The following NEBL variants were observed in gnomAD, a reference collection of about 807,000 sequenced individuals.
NEBL encodes nebulette, also known as LIM and SH3 protein 2.
A neutral mutation model predicts 140.2 loss-of-function variants in NEBL; 122 were observed. That is an observed-to-expected ratio of 0.87 (90% confidence interval 0.75 to 1.01). The LOEUF (loss-of-function observed/expected upper bound fraction) is 1.01. Ranked by LOEUF, NEBL falls within the 50% of genes least tolerant of loss-of-function variation. The probability of loss-of-function intolerance (pLI) is 0.00; values close to 1 mark genes in which losing one functional copy is unlikely to be tolerated. For missense variants in NEBL, 1,365 were observed against 1,231.3 expected (o/e 1.11, Z -1.62); for synonymous variants, 436 against 398.9 (o/e 1.09, Z -1.11).
intron 1 of NEBL, among the ~76,000 whole-genome samples, chr10:21,288,889 C>G (rs1386689296): frequency 8.6e-6 from 1 of 116,322 alleles, no homozygotes; most frequent in Non-Finnish European, 1.7e-5. Flanking sequence ...TGCTCTGTTG[C>G]CCAGGCTGGA....
rs753130097 is a variant in NEBL, at chr10:21,146,492, C to A, written c.164+25891G>T. On this transcript the variant is annotated intron_variant, in intron 2 of 6. Coordinates refer to the NEBL transcript ENST00000417816. ...CATGCTTTCCATAGAGTAGATTCTT[C>A]TTTCACTTTTAGCCATCCTACTCCT... 3.7e-6 allele frequency: 6 copies of A among 1,612,916 alleles called. No individual in the cohort carries two copies. In the South Asian group the frequency reaches 5.5e-5, roughly 15 times the overall value.
chr10:20,933,611 G>A (rs1057130628), intron 4 of NEBL, among the ~76,000 whole-genome samples: 7 of 152,178 alleles, frequency 4.6e-5, no homozygotes, highest in African/African-American at 1.7e-4. Flanking sequence ...GCACGTGCCT[G>A]TAATCCCAGC....
chr10:21,291,068 T>A (rs1447741953), intron 1 of NEBL, among the ~76,000 whole-genome samples: 1 of 152,206 alleles, frequency 6.6e-6, no homozygotes, highest in Non-Finnish European at 1.5e-5. Context: ...TCAGTAAAGT[T>A]ATTTCTGTCT....
chr10:21,227,179 A>G (rs1842163138), intron 3 of NEBL, among the ~76,000 whole-genome samples: 1 of 152,056 alleles, frequency 6.6e-6, no homozygotes, highest in African/African-American at 2.4e-5. Flanking sequence ...AAACCCACTT[A>G]TGGGACAGTT....
chr10:21,222,879 C>A (rs10828219), intron 3 of NEBL, among the ~76,000 whole-genome samples: 41,273 of 151,882 alleles, frequency 0.27, 9,988 homozygotes, highest in African/African-American at 0.66. Flanking sequence ...TCTCTGGCCT[C>A]AACCTCCCAA....
At chr10:21,182,413 C>T (rs1416380825) in intron 3 of NEBL, among the ~76,000 whole-genome samples, 1 of 152,130 alleles carries the variant, frequency 6.6e-6, no homozygotes, top group Non-Finnish European at 1.5e-5. Flanking sequence ...GAGTTCTAGG[C>T]TGCAATGAGG....
intron 1 of NEBL, among the ~76,000 whole-genome samples, chr10:21,272,305 C>T (rs980700986): frequency 6.6e-6 from 1 of 151,942 alleles, no homozygotes; most frequent in Non-Finnish European, 1.5e-5. Context: ...AACAAATACA[C>T]CTGCTGTAGT....
chr10:21,231,941 C>T (rs926390661), intron 3 of NEBL, among the ~76,000 whole-genome samples: 1 of 152,172 alleles, frequency 6.6e-6, no homozygotes, highest in African/African-American at 2.4e-5. Flanking sequence ...ATGCCCCCTC[C>T]CTTTTGCGGT....
chr10:20,939,488 T>C (rs1451869558), intron 4 of NEBL, among the ~76,000 whole-genome samples: 6 of 152,072 alleles, frequency 3.9e-5, no homozygotes, highest in East Asian at 1.9e-4. Flanking sequence ...ACATGCCAAA[T>C]TGTAAAGACC....
At chr10:20,957,720 G>C (rs888011756) in intron 4 of NEBL, among the ~76,000 whole-genome samples, 11 of 151,948 alleles carry the variant, frequency 7.2e-5, no homozygotes, top group Middle Eastern at 3.2e-3. Context: ...ATCAAATAAT[G>C]GTACACTCAC....
chr10:21,086,258 C>T (rs1440229618), intron 2 of NEBL, among the ~76,000 whole-genome samples: 3 of 152,198 alleles, frequency 2.0e-5, no homozygotes, highest in African/African-American at 7.2e-5. Flanking sequence ...AAAATATTAG[C>T]TTATCCAAAA....
intron 3 of NEBL, among the ~76,000 whole-genome samples, chr10:21,006,096 T>C (rs1435588781): frequency 6.6e-6 from 1 of 152,186 alleles, no homozygotes; most frequent in Non-Finnish European, 1.5e-5. Flanking sequence ...CTCCAAGGCA[T>C]GTGGCTATAG....
At position 20,789,945 on chromosome 10, in the gene NEBL, ATG is replaced by A. The variant is rs1050746382; in HGVS notation, c.2762-2639_2762-2638del. 3.4e-3 allele frequency among the ~76,000 whole-genome samples: 507 copies of A among 149,416 alleles called. 2 individuals are homozygous for A. Among genetic ancestry groups the A allele is most frequent in the African/African-American group, 0.012 (483 of 40,114 alleles). ...TGTGTGTGTATATGTGTATATATATATGTGTGTGTATATATATATATATACAC... is the reference window on the plus strand; with the variant it reads ...TGTGTGTGTATATGTGTATATATATATGTGTGTATATATATATATATACAC... On this transcript the variant is annotated intron_variant, in intron 26 of 27. Transcript: ENST00000377122.
intron 2 of NEBL, among the ~76,000 whole-genome samples, chr10:20,896,071 G>A (rs541324988): frequency 1.3e-5 from 2 of 152,132 alleles, no homozygotes; most frequent in South Asian, 4.2e-4. Context: ...GAAAACAAAC[G>A]TGCAAAACAT....
chr10:20,817,520 T>C (rs2130815283), intron 21 of NEBL, 80 bp downstream of exon 21: 2 of 1,193,100 alleles, frequency 1.7e-6, no homozygotes, highest in East Asian at 4.7e-5. Context: ...GTTATGAAAA[T>C]TCTATAAATA....
At chr10:20,959,025 G>A (rs983957284) in intron 4 of NEBL, among the ~76,000 whole-genome samples, 5 of 152,054 alleles carry the variant, frequency 3.3e-5, no homozygotes, top group African/African-American at 7.2e-5. Context: ...CCATTCATCC[G>A]TAACATATTA....
At chr10:20,814,164 T>C in intron 22 of NEBL, 121 bp from the exon 23 acceptor site, 2 of 728,968 alleles carry the variant, frequency 2.7e-6, no homozygotes, top group Non-Finnish European at 4.9e-6. Flanking sequence ...GGTAACTATT[T>C]CAGTGAATTA....
At chr10:21,191,448 T>C (rs573837460) in intron 3 of NEBL, among the ~76,000 whole-genome samples, 1 of 152,330 alleles carries the variant, frequency 6.6e-6, no homozygotes, top group Non-Finnish European at 1.5e-5. Context: ...CACCGTTCGA[T>C]ATTAGGATGA....
At chr10:20,831,924 A>C (rs1840457448) in intron 14 of NEBL, among the ~76,000 whole-genome samples, 2 of 152,146 alleles carry the variant, frequency 1.3e-5, no homozygotes, top group Admixed American at 1.3e-4. Context: ...GTGATTGTAA[A>C]ATTGCTGTTT....
Sources: gnomAD v4.1 joint callset for allele counts (sites outside exome capture counted in the v4.1 genomes callset) on GRCh38, gnomAD v4.1.1 for gene constraint, MANE v1.5 for transcripts, NCBI Gene and HGNC (gene_info 2026-07-23, HGNC 2026-07-21) for gene names.